The following GLRA2 variants were observed in gnomAD, a reference collection of about 807,000 sequenced individuals.
The protein encoded by GLRA2 is glycine receptor subunit alpha-2.
GLRA2 carries 11 observed loss-of-function variants against 31.6 expected under a neutral mutation model. The observed-to-expected ratio is 0.35, with a 90% CI of 0.22 to 0.58. GLRA2 has a LOEUF of 0.58. Among genes scored for constraint, GLRA2 ranks in the 20% least tolerant of loss-of-function variants. GLRA2 has a pLI of 0.84. For synonymous variants in GLRA2, 132 were observed against 134.0 expected (o/e 0.99, Z 0.10); for missense variants, 212 against 351.8 (o/e 0.60, Z 3.18).
intron 8 of GLRA2, among the ~76,000 whole-genome samples, chrX:14,698,646 C>T (rs989116437): frequency 2.2e-5 from 2 of 92,521 alleles, no homozygotes; most frequent in Admixed American, 1.2e-4. Flanking sequence ...CCACTGTACT[C>T]CAGCCTGGGC....
chrX:14,640,859 C>A (rs2090764904), intron 7 of GLRA2, among the ~76,000 whole-genome samples: 1 of 110,424 alleles, frequency 9.1e-6, no homozygotes, highest in Non-Finnish European at 1.9e-5. Flanking sequence ...CATATGCACA[C>A]GTTTATCTTG....
At chrX:14,605,284 T>A (rs891936102) in intron 5 of GLRA2, among the ~76,000 whole-genome samples, 5 of 111,842 alleles carry the variant, frequency 4.5e-5, no homozygotes, top group Non-Finnish European at 9.4e-5. Flanking sequence ...TTATCTATTA[T>A]TTAAAAAGAG....
chrX:14,608,932 T>A, intron 6 of GLRA2, 59 bp from the exon 7 acceptor site: 1 of 547,941 alleles, frequency 1.8e-6, no homozygotes, highest in Non-Finnish European at 3.2e-6. Flanking sequence ...CAACGTGGGA[T>A]AATGGAATTG....
intron 6 of GLRA2, 108 bp from the exon 7 acceptor site, chrX:14,608,883 A>C: frequency 2.1e-6 from 1 of 471,292 alleles, no homozygotes; most frequent in Non-Finnish European, 3.7e-6. Context: ...CAATCTTCCA[A>C]ATCCATCTGC....
chrX:14,599,682 G>A (rs996379838), intron 4 of GLRA2, among the ~76,000 whole-genome samples: 1 of 111,903 alleles, frequency 8.9e-6, no homozygotes, highest in African/African-American at 3.2e-5. Flanking sequence ...CTAGGGTGAT[G>A]GGAATGCTCT....
At chrX:14,640,194 A>G (rs904129502) in intron 7 of GLRA2, among the ~76,000 whole-genome samples, 11 of 111,122 alleles carry the variant, frequency 9.9e-5, no homozygotes, top group Non-Finnish European at 1.7e-4. Context: ...CTACTTTGCC[A>G]AGAGATAGGC....
chrX:14,522,706 T>C, the GLRA2 span, among the ~76,000 whole-genome samples: 1 of 112,089 alleles, frequency 8.9e-6, no homozygotes, highest in Non-Finnish European at 1.9e-5. Flanking sequence ...TCCTTTTACA[T>C]CTCCATCAGA....
intron 7 of GLRA2, among the ~76,000 whole-genome samples, chrX:14,669,144 A>G (rs1204018396): frequency 8.9e-6 from 1 of 112,395 alleles, no homozygotes; most frequent in Non-Finnish European, 1.9e-5. Flanking sequence ...GGGCAGTCAA[A>G]TCTTAAAGCC....
chrX:14,545,405 A>G (rs1214391695), intron 2 of GLRA2, among the ~76,000 whole-genome samples: 1 of 111,287 alleles, frequency 9.0e-6, no homozygotes, highest in East Asian at 2.9e-4. Flanking sequence ...TCCTATGACA[A>G]TGACATTAAT....
At chrX:14,686,448 T>G (rs945857842) in intron 7 of GLRA2, among the ~76,000 whole-genome samples, 20 of 111,441 alleles carry the variant, frequency 1.8e-4, no homozygotes, top group Non-Finnish European at 3.4e-4. Flanking sequence ...TGTGGGAGTC[T>G]AAGTCTCTTT....
chrX:14,479,885 T>C, the GLRA2 span, among the ~76,000 whole-genome samples: 11 of 111,727 alleles, frequency 9.8e-5, no homozygotes, highest in African/African-American at 3.3e-4. Context: ...TTTGGATATA[T>C]ACACAGTAAT....
Position 14,607,141 on chromosome X carries a change from G to A in GLRA2, c.588G>A (p.Thr196=), listed in dbSNP as rs113271440. 24 of 1,186,230 alleles carry A rather than the reference G, an allele frequency of 2.0e-5. No homozygotes were observed. The Middle Eastern group carries it at 7.0e-4, about 35-fold the overall frequency. The change falls in exon 6 of 9, where the codon ACG becomes ACA. Residue 196 remains threonine (T), a synonymous_variant. Coordinates refer to ENST00000218075, the MANE Select transcript of GLRA2 (RefSeq NM_002063.4). ...CTMQLESFGY[T]MNDLIFEWLS... ...ATTTCTTTACCTCAGTTGGGTACAC[G>A]ATGAATGACCTGATATTTGAGTGGT...
chrX:14,689,557 C>G (rs1396075982), intron 7 of GLRA2, among the ~76,000 whole-genome samples: 1 of 111,970 alleles, frequency 8.9e-6, no homozygotes, highest in Non-Finnish European at 1.9e-5. Context: ...TCATTTATTA[C>G]TTTTGTTACC....
chrX:14,521,361 TTCTC>T, the GLRA2 span, among the ~76,000 whole-genome samples: 1 of 110,304 alleles, frequency 9.1e-6, no homozygotes, highest in African/African-American at 3.3e-5. Flanking sequence ...GCAACTTCAT[TTCTC>T]TCTCTCTCTC....
intron 7 of GLRA2, among the ~76,000 whole-genome samples, chrX:14,618,887 G>T (rs1323867200): frequency 9.0e-6 from 1 of 111,431 alleles, no homozygotes; most frequent in East Asian, 2.8e-4. Context: ...ATTACACGTG[G>T]TGCCTTCCAT....
At chrX:14,664,352 T>C (rs1033763800) in intron 7 of GLRA2, among the ~76,000 whole-genome samples, 1 of 112,241 alleles carries the variant, frequency 8.9e-6, no homozygotes, top group African/African-American at 3.2e-5. Context: ...ATTTGCTATA[T>C]TGTTTTTAAT....
intron 8 of GLRA2, among the ~76,000 whole-genome samples, chrX:14,699,594 A>G (rs984857790): frequency 3.6e-5 from 4 of 111,963 alleles, no homozygotes; most frequent in African/African-American, 1.3e-4. Context: ...CATCTCTTCT[A>G]GATATTTTGA....
the GLRA2 span, among the ~76,000 whole-genome samples, chrX:14,522,223 G>A: frequency 1.8e-5 from 2 of 112,350 alleles, no homozygotes; most frequent in Middle Eastern, 4.2e-3. Context: ...TTCACCAGGA[G>A]TTGATTCTAA....
chrX:14,547,077 A>C (rs1393156431), intron 2 of GLRA2, among the ~76,000 whole-genome samples: 2 of 111,706 alleles, frequency 1.8e-5, no homozygotes, highest in Non-Finnish European at 3.8e-5. Flanking sequence ...ACAGAATGAC[A>C]CCTTTAAAAA....
Sources: allele counts gnomAD v4.1 joint callset (sites outside exome capture counted in the v4.1 genomes callset), GRCh38; gene constraint gnomAD v4.1.1; transcripts MANE v1.5; gene names NCBI Gene and HGNC (gene_info 2026-07-23, HGNC 2026-07-21).